PYM1: variants seen among roughly 807,000 people sequenced by gnomAD.
PYM1 encodes the protein PYM1 exon junction complex associated factor.
In PYM1, 7 loss-of-function variants were observed where a neutral mutation model predicts 20.7. That is an observed-to-expected ratio of 0.34 (90% CI 0.19 to 0.64). The LOEUF is 0.64. Among genes scored for constraint, PYM1 ranks in the 30% least tolerant of loss-of-function variants. The probability of loss-of-function intolerance (pLI) is 0.74; values close to 1 mark genes in which losing one functional copy is unlikely to be tolerated. For synonymous variants in PYM1, 100 were observed against 99.2 expected (o/e 1.01, Z -0.05); for missense variants, 194 against 250.0 (o/e 0.78, Z 1.51).
intron 1 of PYM1, among the ~76,000 whole-genome samples, chr12:55,916,732 A>ATGT (rs1173221749): frequency 6.6e-6 from 1 of 152,180 alleles, no homozygotes; most frequent in African/African-American, 2.4e-5. Context: ...CGGGAGGTGG[A>ATGT]TGTTGCGGTG....
At chr12:55,914,282 T>C in intron 1 of PYM1, 1 of 702,300 alleles carries the variant, frequency 1.4e-6, no homozygotes, top group Non-Finnish European at 2.6e-6. Flanking sequence ...GCACCTATTT[T>C]ATGTTATCTT....
chr12:55,927,242 G>T, intron 1 of PYM1: 1 of 1,323,228 alleles, frequency 7.6e-7, no homozygotes, highest in Non-Finnish European at 1.1e-6. Flanking sequence ...ATGGGCGGAG[G>T]TGGAGGAGGA....
At chr12:55,927,098 G>A (rs1236508048) in intron 1 of PYM1, 7 of 1,546,542 alleles carry the variant, frequency 4.5e-6, no homozygotes, top group Non-Finnish European at 4.4e-6. Flanking sequence ...CAGTAACATA[G>A]GGAGTCGCCA....
intron 1 of PYM1, among the ~76,000 whole-genome samples, chr12:55,910,124 G>T (rs956232173): frequency 6.6e-6 from 1 of 152,062 alleles, no homozygotes; most frequent in Non-Finnish European, 1.5e-5. Flanking sequence ...TTGATGAAAA[G>T]AGTCAAACTC....
chr12:55,901,793 C>A lies in PYM1; in HGVS notation c.*79G>T. The A allele has an allele frequency of 6.6e-7, 1 of 1,520,460 alleles. No individual in the cohort carries two copies. Among genetic ancestry groups the A allele is most frequent in the African/African-American group, 1.4e-5 (1 of 71,894 alleles). 94.2% of individuals were successfully genotyped at this position (1,520,460 alleles called of 1,614,324 possible). A position where few individuals can be genotyped will look rare whatever the true frequency, so the allele number is the denominator to read the frequency against. On this transcript the variant is annotated 3_prime_UTR_variant, in exon 3 of 3. Transcript: ENST00000408946. Reference sequence around the variant, plus strand: ...CCAGTATGGGGGGTACCCCTCCTGACTGCTGTTGCCCGTATTCCCCCAGAC... The same window carrying A: ...CCAGTATGGGGGGTACCCCTCCTGAATGCTGTTGCCCGTATTCCCCCAGAC...
chr12:55,927,627 G>A, intron 1 of PYM1, 98 bp downstream of exon 1: 1 of 1,454,134 alleles, frequency 6.9e-7, no homozygotes. Flanking sequence ...AAGGTGGGGA[G>A]GTCGAATTCG....
At chr12:55,914,876 G>A (rs1469093991) in intron 1 of PYM1, among the ~76,000 whole-genome samples, 1 of 152,148 alleles carries the variant, frequency 6.6e-6, no homozygotes, top group African/African-American at 2.4e-5. Context: ...AGGAAAGGAA[G>A]ACCAGGACAT....
intron 1 of PYM1, among the ~76,000 whole-genome samples, chr12:55,909,561 A>G (rs1444350381): frequency 6.6e-6 from 1 of 151,810 alleles, no homozygotes; most frequent in African/African-American, 2.4e-5. Flanking sequence ...TATTTAATCT[A>G]GCATAATAAA....
intron 1 of PYM1, among the ~76,000 whole-genome samples, chr12:55,910,964 T>C (rs1018533704): frequency 2.0e-5 from 3 of 152,176 alleles, no homozygotes; most frequent in African/African-American, 7.2e-5. Flanking sequence ...TCTTTTGAAG[T>C]CTTATGGTGG....
In PYM1 at chr12:55,902,263, C is replaced by G; in HGVS notation, c.224G>C (p.Arg75Thr). The G allele has an allele frequency of 6.2e-7, 1 of 1,614,158 alleles. No homozygotes were observed. Among genetic ancestry groups the G allele is most frequent in the Non-Finnish European group, 8.5e-7 (1 of 1,180,012 alleles). Residue 75 changes from arginine to threonine, a missense_variant, in exon 3 of 3, where the codon AGG (arginine) becomes ACG (threonine). Arg to Thr is a moderately conservative substitution (Grantham distance 71). Transcript: ENST00000408946. The stretch of plus-strand genomic sequence containing the variant: ...GAGGCCTGGTTCACCACCTTCAGGC[C>G]TGGATGGGGTGACAGGAGCAGTGGC... ...PEATAPVTPS[R>T]PEGGEPGLSK...
intron 1 of PYM1, among the ~76,000 whole-genome samples, 179 bp from the exon 2 acceptor site, chr12:55,903,659 CA>C (rs1882734039): frequency 6.6e-6 from 1 of 152,002 alleles, no homozygotes; most frequent in African/African-American, 2.4e-5. Flanking sequence ...TACCGAGTGC[CA>C]ATACACCGTA....
intron 2 of PYM1, among the ~76,000 whole-genome samples, chr12:55,903,019 G>A (rs897536458): frequency 6.6e-6 from 1 of 152,154 alleles, no homozygotes; most frequent in Non-Finnish European, 1.5e-5. Flanking sequence ...CTGACCTCAA[G>A]TAATCCACCT....
chr12:55,924,079 GAA>G (rs767599235), intron 1 of PYM1, among the ~76,000 whole-genome samples: 2 of 123,776 alleles, frequency 1.6e-5, no homozygotes, highest in African/African-American at 3.0e-5. Context: ...CTGTCTCAAA[GAA>G]AAAAAAAAAA....
rs141042685 is a variant in PYM1, at chr12:55,916,569, G to A, written c.37+11156C>T. On this transcript the variant is annotated intron_variant, in intron 1 of 2. Coordinates refer to ENST00000408946, the MANE Select transcript of PYM1 (RefSeq NM_032345.3). ...TCCCAGTACTTTGGGAGGCAGAGGC[G>A]GGCGGATCACCTGAGGTCAGGAGTT... is the stretch of plus-strand genomic sequence containing the variant. 7.4e-3 allele frequency among the ~76,000 whole-genome samples: 1,126 copies of A among 151,964 alleles called. 16 individuals are homozygous for A. The highest frequency in any genetic ancestry group is 0.026 in the African/African-American group (1,093 of 41,444).
Position 55,905,579 on chromosome 12 carries a change from G to A in PYM1, c.38-2099C>T, listed in dbSNP as rs529587597. Among the ~76,000 whole-genome samples, 119 of 149,918 alleles carry A rather than the reference G, an allele frequency of 7.9e-4. 1 individual carries two copies. The highest frequency in any genetic ancestry group is 2.7e-3 in the African/African-American group (110 of 40,914). ...TAGCTGGGCGTGGTGGCAGGCGCCT[G>A]TAATCCTAGCTACCCGGGAGGCTGA... On this transcript the variant is annotated intron_variant, in intron 1 of 2. Transcript: ENST00000408946.
At chr12:55,903,240 C>T (rs1442503024) in intron 2 of PYM1, 147 bp downstream of exon 2, 3 of 663,292 alleles carry the variant, frequency 4.5e-6, no homozygotes, top group Non-Finnish European at 7.7e-6. Flanking sequence ...GAATCCCAGA[C>T]TCTTTCTCTC....
intron 1 of PYM1, among the ~76,000 whole-genome samples, chr12:55,905,594 C>T (rs569141030): frequency 5.4e-5 from 8 of 149,108 alleles, no homozygotes; most frequent in African/African-American, 1.2e-4. Context: ...CCTAGCTACC[C>T]GGGAGGCTGA....
intron 1 of PYM1, among the ~76,000 whole-genome samples, chr12:55,915,032 G>A (rs1303020604): frequency 1.3e-5 from 2 of 151,726 alleles, no homozygotes; most frequent in African/African-American, 4.8e-5. Context: ...TGGCTAACAC[G>A]ATGAAACCCC....
chr12:55,919,494 T>G (rs1592641136), intron 1 of PYM1, among the ~76,000 whole-genome samples: 1 of 152,186 alleles, frequency 6.6e-6, no homozygotes, highest in Non-Finnish European at 1.5e-5. Flanking sequence ...CTCAGAAGAT[T>G]ACTAGGTGTT....
Sources: gnomAD v4.1 joint callset for allele counts (sites outside exome capture counted in the v4.1 genomes callset) on GRCh38, gnomAD v4.1.1 for gene constraint, MANE v1.5 for transcripts, NCBI Gene and HGNC (gene_info 2026-07-23, HGNC 2026-07-21) for gene names.